HECW2: variants seen among roughly 807,000 people sequenced by gnomAD.
HECW2 encodes E3 ubiquitin-protein ligase HECW2.
Under a neutral mutation model 175.2 loss-of-function variants are expected in HECW2, and 61 were observed. The ratio of observed to expected loss-of-function variants is 0.35; its 90% CI spans 0.28 to 0.43. The LOEUF is 0.43. Ranked by LOEUF, HECW2 falls within the 20% of genes least tolerant of loss-of-function variation. The pLI, the probability that HECW2 is intolerant of heterozygous loss-of-function variation, is 1.00. For synonymous variants in HECW2, 671 were observed against 731.0 expected, an observed-to-expected ratio of 0.92 and a Z score of 1.32; for missense variants, 1,524 against 2,000.5, an observed-to-expected ratio of 0.76 and a Z score of 4.54.
At chr2:196,433,595 A>G (rs1695783065) in intron 1 of HECW2, 137 bp from the exon 2 acceptor site, 1 of 669,004 alleles carries the variant, frequency 1.5e-6, no homozygotes, top group Non-Finnish European at 2.5e-6. Context: ...AATAAAACCT[A>G]TTATTCTACT....
At chr2:196,329,747 G>C (rs1392292903) in intron 4 of HECW2, 97 bp from the exon 5 acceptor site, 1 of 932,956 alleles carries the variant, frequency 1.1e-6, no homozygotes, top group Non-Finnish European at 1.7e-6. Context: ...AATGATTTTT[G>C]CATCAAACGG....
intron 1 of HECW2, among the ~76,000 whole-genome samples, chr2:196,542,073 C>T (rs1004768647): frequency 1.3e-4 from 20 of 151,946 alleles, no homozygotes; most frequent in Admixed American, 1.3e-3. Context: ...ACCAGTCTGG[C>T]CAACATGGTG....
At chr2:196,385,573 G>A (rs1255935025) in intron 2 of HECW2, among the ~76,000 whole-genome samples, 4 of 152,270 alleles carry the variant, frequency 2.6e-5, no homozygotes, top group Middle Eastern at 3.4e-3. Flanking sequence ...AAGGTAGGAC[G>A]CTAGAAGACC....
intron 1 of HECW2, among the ~76,000 whole-genome samples, chr2:196,498,158 T>A (rs1004106277): frequency 5.3e-5 from 8 of 152,236 alleles, no homozygotes; most frequent in Non-Finnish European, 8.8e-5. Flanking sequence ...GGTAAAAGCA[T>A]CTTGGACTAC....
chr2:196,443,619 T>G (rs1308952786), intron 1 of HECW2, among the ~76,000 whole-genome samples: 1 of 152,220 alleles, frequency 6.6e-6, no homozygotes, highest in Non-Finnish European at 1.5e-5. Flanking sequence ...AATTCCAACC[T>G]ATTTTTCAGT....
chr2:196,322,713 T>C, intron 6 of HECW2, 93 bp from the exon 7 acceptor site: 2 of 1,161,936 alleles, frequency 1.7e-6, no homozygotes, highest in South Asian at 1.5e-5. Context: ...ATCTCTTAAA[T>C]TCTAACAACA....
intron 1 of HECW2, among the ~76,000 whole-genome samples, chr2:196,561,922 A>G (rs1015699139): frequency 6.6e-6 from 1 of 152,254 alleles, no homozygotes. Flanking sequence ...CTTAGAGGCA[A>G]TGAAAAGAGG....
chr2:196,527,277 A>G (rs1474008326), intron 1 of HECW2, among the ~76,000 whole-genome samples: 1 of 152,258 alleles, frequency 6.6e-6, no homozygotes, highest in African/African-American at 2.4e-5. Context: ...TGACTCGGAA[A>G]GGGAACTCCC....
chr2:196,415,782 A>G (rs1243125914), intron 2 of HECW2, among the ~76,000 whole-genome samples: 2 of 152,228 alleles, frequency 1.3e-5, no homozygotes, highest in Non-Finnish European at 2.9e-5. Context: ...TGTAAAAATG[A>G]AAGGATTGGC....
intron 13 of HECW2, among the ~76,000 whole-genome samples, chr2:196,305,369 A>G (rs986684104): frequency 5.9e-5 from 9 of 152,234 alleles, no homozygotes; most frequent in Admixed American, 3.3e-4. Flanking sequence ...CCAGGAGACA[A>G]TGATGAGGAA....
chr2:196,251,753 A>AC (rs1374796200), intron 19 of HECW2, among the ~76,000 whole-genome samples: 6 of 151,658 alleles, frequency 4.0e-5, no homozygotes, highest in Non-Finnish European at 8.8e-5. Flanking sequence ...TCATCATGTT[A>AC]CTCTGGCTAA....
chr2:196,283,986 T>C (rs1172442327), intron 14 of HECW2, among the ~76,000 whole-genome samples: 1 of 152,196 alleles, frequency 6.6e-6, no homozygotes, highest in African/African-American at 2.4e-5. Flanking sequence ...GAGCAATATC[T>C]TTTTCCCCAC....
intron 1 of HECW2, among the ~76,000 whole-genome samples, chr2:196,516,946 T>C (rs1575624805): frequency 1.3e-5 from 2 of 152,324 alleles, no homozygotes; most frequent in Non-Finnish European, 2.9e-5. Context: ...AAGTCACGGA[T>C]TACATTCAAC....
chr2:196,458,622 C>T (rs1363738799), intron 1 of HECW2, among the ~76,000 whole-genome samples: 1 of 151,858 alleles, frequency 6.6e-6, no homozygotes, highest in Non-Finnish European at 1.5e-5. Flanking sequence ...AATCCCAGCA[C>T]TTTGGGAGCC....
At position 196,431,546 on chromosome 2, in the gene HECW2, A is replaced by C. The variant is rs529777484; in HGVS notation, c.292+1586T>G. Reference sequence around the variant, plus strand: ...ATATTAAGTCTTCTATTAAGATTATAAAATAAAAGCTAAAATGGTAAAAAA... The same window carrying C: ...ATATTAAGTCTTCTATTAAGATTATCAAATAAAAGCTAAAATGGTAAAAAA... On this transcript the variant is annotated intron_variant, in intron 2 of 28. Transcript: ENST00000644978. 1.6e-3 allele frequency among the ~76,000 whole-genome samples: 245 copies of C among 152,318 alleles called. 1 individual carries two copies. Among genetic ancestry groups the C allele is most frequent in the African/African-American group, 5.7e-3 (236 of 41,574 alleles).
intron 1 of HECW2, among the ~76,000 whole-genome samples, chr2:196,448,665 C>T (rs896187111): frequency 6.6e-6 from 1 of 152,186 alleles, no homozygotes; most frequent in African/African-American, 2.4e-5. Flanking sequence ...CTACTGTTAT[C>T]TTTGCAGATA....
At chr2:196,261,830 G>A (rs750240737) in intron 17 of HECW2, among the ~76,000 whole-genome samples, 25 of 152,054 alleles carry the variant, frequency 1.6e-4, no homozygotes, top group Non-Finnish European at 3.4e-4. Flanking sequence ...AGTGACTAAC[G>A]TCAACATTAT....
At chr2:196,360,105 T>TA (rs1010988296) in intron 2 of HECW2, among the ~76,000 whole-genome samples, 18 of 150,920 alleles carry the variant, frequency 1.2e-4, no homozygotes, top group Admixed American at 6.0e-4. Context: ...ACCCTGTCTC[T>TA]AAAAAAAAAT....
intron 2 of HECW2, chr2:196,361,861 G>A: frequency 4.1e-6 from 4 of 985,226 alleles, no homozygotes; most frequent in African/African-American, 1.7e-5. Flanking sequence ...TGAGACTTAG[G>A]CAGCAGCAAG....
Sources: allele counts gnomAD v4.1 joint callset (sites outside exome capture counted in the v4.1 genomes callset), GRCh38; gene constraint gnomAD v4.1.1; transcripts MANE v1.5; gene names NCBI Gene and HGNC (gene_info 2026-07-23, HGNC 2026-07-21).